CRYBG2: variants seen among roughly 807,000 people sequenced by gnomAD.
The protein encoded by CRYBG2 is crystallin beta-gamma domain containing 2, also known as beta/gamma crystallin domain-containing protein 2.
In CRYBG2, 106 loss-of-function variants were observed where a neutral mutation model predicts 153.4. The ratio of observed to expected loss-of-function variants is 0.69; its 90% CI spans 0.59 to 0.81. CRYBG2 has a LOEUF of 0.81. CRYBG2 is among the 30% of genes least tolerant of loss of function. CRYBG2 has a pLI of 0.00. For missense variants in CRYBG2, 1,996 were observed against 2,112.0 expected, an observed-to-expected ratio of 0.95 and a Z score of 1.08; for synonymous variants, 851 against 877.8, an observed-to-expected ratio of 0.97 and a Z score of 0.54.
At chr1:26,338,160 C>T in intron 7 of CRYBG2, 113 bp from the exon 8 acceptor site, 2 of 1,462,240 alleles carry the variant, frequency 1.4e-6, no homozygotes, top group South Asian at 2.5e-5. Flanking sequence ...TTCCCTTTTC[C>T]CCTACCTCTT....
chr1:26,344,712 T>C lies in CRYBG2; in HGVS notation c.1946A>G (p.Gln649Arg), dbSNP rs2074183342. 1 of 1,534,488 alleles carries C rather than the reference T, an allele frequency of 6.5e-7. No individual in the cohort carries two copies. The highest frequency in any genetic ancestry group is 1.2e-5 in the South Asian group (1 of 83,932). The change falls in exon 2 of 20, where the codon CAG becomes CGG. Residue 649 changes from glutamine (Q) to arginine (R), a missense_variant. Physicochemically the swap from Gln to Arg is conservative, Grantham distance 43. Coordinates refer to ENST00000308182, the MANE Select transcript of CRYBG2 (RefSeq NM_001039775.4). Reference protein sequence around the residue: ...GSSSIQKEAVQGIAGSLAPPL... With the variant: ...GSSSIQKEAVRGIAGSLAPPL... ...CGGGGCAAGGCTGCCTGCAATACCCTGGACAGCCTCTTTTTGGATGCTACT... is the reference window on the plus strand; with the variant it reads ...CGGGGCAAGGCTGCCTGCAATACCCCGGACAGCCTCTTTTTGGATGCTACT...
intron 1 of CRYBG2, among the ~76,000 whole-genome samples, chr1:26,351,791 G>A (rs1013154966): frequency 8.5e-5 from 13 of 152,062 alleles, no homozygotes; most frequent in Admixed American, 1.3e-4. Flanking sequence ...CACCTGCCCC[G>A]TCCCTGAACA....
rs747658174 is a variant in CRYBG2, at chr1:26,338,488, C to G, written c.3345-11G>C. 1 of 1,594,776 alleles carries G rather than the reference C, an allele frequency of 6.3e-7. No homozygotes were observed. The highest frequency in any genetic ancestry group is 8.5e-7 in the Non-Finnish European group (1 of 1,171,262). On this transcript the variant is annotated splice_polypyrimidine_tract_variant and intron_variant, in intron 6 of 19. Coordinates refer to ENST00000308182, the MANE Select transcript of CRYBG2 (RefSeq NM_001039775.4). ...GGGTACAGTAGCCACCTAGGGGAAA[C>G]AGAGAGGCTGCTGCACCCTAGCAGA... is the stretch of plus-strand genomic sequence containing the variant.
chr1:26,330,538 C>CTTTTT (rs35886545), intron 15 of CRYBG2, among the ~76,000 whole-genome samples: 1 of 118,106 alleles, frequency 8.5e-6, no homozygotes, highest in Non-Finnish European at 1.7e-5. Context: ...TGTGGCAAGC[C>CTTTTT]TTTTTTTTTT....
At chr1:26,329,218 C>G (rs568425270) in intron 15 of CRYBG2, among the ~76,000 whole-genome samples, 4 of 148,142 alleles carry the variant, frequency 2.7e-5, no homozygotes, top group Non-Finnish European at 5.9e-5. Context: ...CTCTTGTCAC[C>G]CAGGCTGCAG....
rs145601935 is a variant in CRYBG2, at chr1:26,352,490, C to T, written c.-56+1546G>A. On this transcript the variant is annotated intron_variant, in intron 1 of 19. Transcript: ENST00000308182. ...ACCTACCCCTGAACGTGGACACACA[C>T]GCTTGGATGCACACGTATCTTACAC... Among the ~76,000 whole-genome samples, 897 of 152,284 alleles carry T rather than the reference C, an allele frequency of 5.9e-3. 9 individuals carry two copies. Among genetic ancestry groups the T allele is most frequent in the South Asian group, 0.011 (53 of 4,824 alleles).
intron 15 of CRYBG2, among the ~76,000 whole-genome samples, chr1:26,330,220 CA>C (rs1327285885): frequency 3.3e-5 from 5 of 152,204 alleles, no homozygotes; most frequent in Non-Finnish European, 4.4e-5. Flanking sequence ...AACTCTTCAA[CA>C]ACCCTATAAG....
Position 26,345,363 on chromosome 1 carries a change from C to T in CRYBG2, c.1295G>A (p.Ser432Asn), listed in dbSNP as rs751262421. ...PSTTRRKDVP[S>N]PGGLSAPSSP... is the part of the protein sequence containing the mutation. ...CGATGGAGCAGAAAGACCTCCTGGGCTGGGGACATCCTTCCTTCTTGTAGT... is the reference window on the plus strand; with the variant it reads ...CGATGGAGCAGAAAGACCTCCTGGGTTGGGGACATCCTTCCTTCTTGTAGT... Residue 432 changes from serine (S) to asparagine (N), a missense_variant, in exon 2 of 20, where the codon AGC becomes AAC. Coordinates refer to ENST00000308182, the MANE Select transcript of CRYBG2 (RefSeq NM_001039775.4). 4.3e-6 allele frequency: 7 copies of T among 1,613,346 alleles called. No individual in the cohort carries two copies. In the South Asian group the frequency reaches 7.7e-5, roughly 18 times the overall value.
chr1:26,354,032 C>G lies in CRYBG2; in HGVS notation c.-56+4G>C. ...TCCCCTCCCATCTCCACACACAGAC[C>G]GACCTCTACTCACAGTCTGCGTGGG... On this transcript the variant is annotated splice_donor_region_variant and intron_variant, in intron 1 of 19. Transcript: ENST00000308182. 2.5e-6 allele frequency: 1 copy of G among 399,584 alleles called. No homozygotes were observed. Among genetic ancestry groups the G allele is most frequent in the Non-Finnish European group, 4.4e-6 (1 of 226,530 alleles). The allele number at this position is 399,584 out of a possible 1,614,324, so 24.8% of individuals were successfully genotyped here. A position where few individuals can be genotyped will look rare whatever the true frequency, so the allele number is the denominator to read the frequency against.
rs1278971300 is a variant in CRYBG2, at chr1:26,336,838, T to G, written c.3911+3A>C. 1 of 1,588,358 alleles carries G rather than the reference T, an allele frequency of 6.3e-7. No individual in the cohort carries two copies. On this transcript the variant is annotated splice_donor_region_variant and intron_variant, in intron 11 of 19. Transcript: ENST00000308182. The surrounding 1 kb of genome is among the most constrained non-coding windows in gnomAD (Gnocchi z 4.9). ...CCCCGCTCCCGGAGCCCGGGTCACT[T>G]ACACGCCGCTGAGCACGTGGATGGC...
At chr1:26,342,627 G>C in intron 5 of CRYBG2, 127 bp downstream of exon 5, 1 of 1,402,128 alleles carries the variant, frequency 7.1e-7, no homozygotes, top group Non-Finnish European at 9.7e-7. Context: ...TCCAACTCCT[G>C]TCCTCAGCCG....
rs1288048227 is a variant in CRYBG2, at chr1:26,344,498, T to C, written c.2160A>G (p.Gly720=). 5 of 1,546,260 alleles carry C rather than the reference T, an allele frequency of 3.2e-6. No individual in the cohort carries two copies. Among genetic ancestry groups the C allele is most frequent in the Non-Finnish European group, 4.4e-6 (5 of 1,145,236 alleles). Residue 720 remains glycine (G), a synonymous_variant, in exon 2 of 20, where the codon GGA becomes GGG. Transcript: ENST00000308182. ...SSVDRVSPSP[G]GTPAPVPTGA... ...CTGTTGGCACTGGGGCAGGGGTGCCTCCTGGGCTGGGGGACACCCTGTCCA... is the reference window on the plus strand; with the variant it reads ...CTGTTGGCACTGGGGCAGGGGTGCCCCCTGGGCTGGGGGACACCCTGTCCA...
rs754655911 is a variant in CRYBG2 at position 26,342,805 on chromosome 1, T to C, written c.3153A>G (p.Pro1051=). The part of the protein sequence containing the change: ...LPEGDMELRT[P]GTKWSPQGIG... Reference sequence around the variant, plus strand: ...TGCCTTGGGGACTCCACTTTGTCCCTGGGGTTCTGAGTTCCATGTCTCCTT... The same window carrying C: ...TGCCTTGGGGACTCCACTTTGTCCCCGGGGTTCTGAGTTCCATGTCTCCTT... The change falls in exon 5 of 20, where the codon CCA becomes CCG. Residue 1051 remains proline (P), a synonymous_variant. Transcript: ENST00000308182. 1.9e-6 allele frequency: 3 copies of C among 1,614,118 alleles called. No individual in the cohort carries two copies. The highest frequency in any genetic ancestry group is 2.5e-6 in the Non-Finnish European group (3 of 1,179,992).
chr1:26,328,957 C>A, intron 15 of CRYBG2, 84 bp from the exon 16 acceptor site: 1 of 1,549,402 alleles, frequency 6.5e-7, no homozygotes, highest in Non-Finnish European at 8.8e-7. Flanking sequence ...ACCCTGACTC[C>A]CAGATCTGTA....
chr1:26,339,136 A>G (rs1404122526), intron 6 of CRYBG2, among the ~76,000 whole-genome samples, 154 bp downstream of exon 6: 2 of 152,166 alleles, frequency 1.3e-5, no homozygotes, highest in Non-Finnish European at 2.9e-5. Flanking sequence ...CCCTCACCCC[A>G]AAACACTGAA....
In CRYBG2 at chr1:26,336,604, A is replaced by G. The variant is rs1044228804; in HGVS notation, c.4038+2T>C. On this transcript the variant is annotated splice_donor_variant, in intron 12 of 19. Coordinates refer to ENST00000308182, the MANE Select transcript of CRYBG2 (RefSeq NM_001039775.4). LOFTEE classifies it high-confidence loss of function. The surrounding 1 kb of genome is among the most constrained non-coding windows in gnomAD (Gnocchi z 4.9). ...GCCCCGCCCCCCGCGGCCGGCACGC[A>G]CCTGTAGGACCGGCTGCAGCGAGGC... 2 of 1,548,794 alleles carry G rather than the reference A, an allele frequency of 1.3e-6. No homozygotes were observed. Among genetic ancestry groups the G allele is most frequent in the African/African-American group, 1.4e-5 (1 of 72,808 alleles).
chr1:26,323,575 G>A (rs2073885760), intron 18 of CRYBG2, among the ~76,000 whole-genome samples: 1 of 152,168 alleles, frequency 6.6e-6, no homozygotes, highest in African/African-American at 2.4e-5. Flanking sequence ...CATAGTAGGT[G>A]CTCAAGAAAT....
At position 26,343,262 on chromosome 1, in the gene CRYBG2, T is replaced by G. The variant is rs1313004449; in HGVS notation, c.2945A>C (p.Asn982Thr). 1.9e-6 allele frequency: 3 copies of G among 1,549,744 alleles called. No homozygotes were observed. The African/African-American group carries it at 4.1e-5, about 21-fold the overall frequency. Residue 982 changes from asparagine (N) to threonine (T), a missense_variant, in exon 3 of 20, where the codon AAC becomes ACC. Physicochemically the swap from Asn to Thr is moderately conservative, Grantham distance 65. Transcript: ENST00000308182. The surrounding 1 kb of genome is among the most constrained non-coding windows in gnomAD (Gnocchi z 4.1). Reference protein sequence around the residue: ...SPALKTQGKLNTRPGKVIFFS... With the variant: ...SPALKTQGKLTTRPGKVIFFS... ...CAACCCTACCTTTCCAGGCCTGGTG[T>G]TCAGCTTGCCCTGGGTCTTTAAGGC...
intron 14 of CRYBG2, among the ~76,000 whole-genome samples, chr1:26,332,871 G>A (rs2074013309): frequency 6.6e-6 from 1 of 151,296 alleles, no homozygotes; most frequent in South Asian, 2.1e-4. Flanking sequence ...GTTATAGTAT[G>A]TTCCCTTTTA....
Sources: allele counts gnomAD v4.1 joint callset (sites outside exome capture counted in the v4.1 genomes callset), GRCh38; gene constraint gnomAD v4.1.1; non-coding constraint Gnocchi (gnomAD v3.1); transcripts MANE v1.5; gene names NCBI Gene and HGNC (gene_info 2026-07-23, HGNC 2026-07-21).